The following DENND3 variants were observed in gnomAD, a reference collection of about 807,000 sequenced individuals.
The protein encoded by DENND3 is DENN domain containing 3.
DENND3 carries 88 observed loss-of-function variants against 135.1 expected under a neutral mutation model. The observed-to-expected ratio is 0.65, with a 90% CI of 0.55 to 0.78. DENND3 has a LOEUF of 0.78. DENND3 is among the 30% of genes least tolerant of loss of function. DENND3 has a pLI of 0.00. For missense variants in DENND3, 1,392 were observed against 1,688.4 expected (o/e 0.82, Z 3.08); for synonymous variants, 693 against 712.3 (o/e 0.97, Z 0.43).
intron 20 of DENND3, 87 bp downstream of exon 20, chr8:141,190,504 C>CT (rs1242730570): frequency 6.9e-7 from 1 of 1,449,240 alleles, no homozygotes; most frequent in African/African-American, 1.4e-5. Flanking sequence ...AGCCTCTTTC[C>CT]TTTGCTTCAC....
At chr8:141,180,662 C>G in intron 16 of DENND3, 85 bp from the exon 17 acceptor site, 1 of 1,243,042 alleles carries the variant, frequency 8.0e-7, no homozygotes, top group South Asian at 1.4e-5. Context: ...TGATATTCTG[C>G]AGAAATCAGA....
chr8:141,137,976 C>T lies in DENND3; in HGVS notation c.386-46C>T. On this transcript the variant is annotated intron_variant, in intron 2 of 22. Coordinates refer to ENST00000519811, the MANE Select transcript of DENND3 (RefSeq NM_001352890.3). The surrounding 1 kb of genome is among the most constrained non-coding windows in gnomAD (Gnocchi z 4.1). ...GAAATCAGCTCGTGGGTAACCCAGG[C>T]CACTTGGCAAGAACAGGATTCTTCT... The T allele has an allele frequency of 6.5e-7, 1 of 1,550,366 alleles. No homozygotes were observed. The highest frequency in any genetic ancestry group is 8.7e-7 in the Non-Finnish European group (1 of 1,144,422).
intron 19 of DENND3, among the ~76,000 whole-genome samples, chr8:141,189,538 T>A (rs1824407509): frequency 6.6e-6 from 1 of 152,228 alleles, no homozygotes; most frequent in Admixed American, 6.5e-5. Context: ...CGCTGCTGTT[T>A]CCCACAGTGG....
intron 5 of DENND3, among the ~76,000 whole-genome samples, chr8:141,149,968 C>T (rs1055672005): frequency 3.3e-5 from 5 of 152,218 alleles, no homozygotes; most frequent in Non-Finnish European, 7.3e-5. Flanking sequence ...TGTTTGTGAC[C>T]TGTTTTCTCC....
intron 17 of DENND3, among the ~76,000 whole-genome samples, chr8:141,183,913 C>T (rs1361924149): frequency 6.6e-6 from 1 of 152,176 alleles, no homozygotes; most frequent in Non-Finnish European, 1.5e-5. Context: ...GAGCAGCGTG[C>T]TTTCCGCCAG....
Position 141,141,105 on chromosome 8 carries a change from T to G in DENND3, c.502-98T>G. ...CGTTGCAGGGGTGGGGATGGTGGAC[T>G]CTCAGCTTGCTGTGTGCTGAAACGT... On this transcript the variant is annotated intron_variant, in intron 3 of 22. Coordinates refer to ENST00000519811, the MANE Select transcript of DENND3 (RefSeq NM_001352890.3). The surrounding 1 kb of genome is among the most constrained non-coding windows in gnomAD (Gnocchi z 5.3). The G allele has an allele frequency of 5.1e-6, 8 of 1,581,896 alleles. No individual in the cohort carries two copies. Among genetic ancestry groups the G allele is most frequent in the Non-Finnish European group, 6.0e-6 (7 of 1,160,152 alleles).
chr8:141,139,071 C>T lies in DENND3; in HGVS notation c.501+934C>T, dbSNP rs1048321994. ...AGGGGAAACGATGTATCCAAAGGTG[C>T]AGGGTGACCTGCTGCACACGTCCAG... On this transcript the variant is annotated intron_variant, in intron 3 of 22. Transcript: ENST00000519811. The surrounding 1 kb of genome is among the most constrained non-coding windows in gnomAD (Gnocchi z 4.2). Among the ~76,000 whole-genome samples the T allele has an allele frequency of 6.6e-6, 1 of 152,152 alleles. No individual in the cohort carries two copies. The highest frequency in any genetic ancestry group is 2.4e-5 in the African/African-American group (1 of 41,424).
Position 141,185,282 on chromosome 8 carries a change from A to C in DENND3, c.3084+4A>C. ...TAAAGTGGGCACTGCAAAAGTGGTGAGTACACGAAGCGTCAGGAAAGAAGC... is the reference window on the plus strand; with the variant it reads ...TAAAGTGGGCACTGCAAAAGTGGTGCGTACACGAAGCGTCAGGAAAGAAGC... On this transcript the variant is annotated splice_donor_region_variant and intron_variant, in intron 18 of 22. Coordinates refer to ENST00000519811, the MANE Select transcript of DENND3 (RefSeq NM_001352890.3). 6.2e-7 allele frequency: 1 copy of C among 1,614,030 alleles called. No homozygotes were observed. The highest frequency in any genetic ancestry group is 8.5e-7 in the Non-Finnish European group (1 of 1,179,926).
At chr8:141,176,824 T>G in intron 15 of DENND3, 63 bp downstream of exon 15, 5 of 1,575,982 alleles carry the variant, frequency 3.2e-6, no homozygotes, top group Non-Finnish European at 4.3e-6. Context: ...TCGCCACCTG[T>G]GGGTCCTGTG....
rs745935240 is a variant in DENND3, at chr8:141,176,610, C to G, written c.2555C>G (p.Thr852Ser). 1.2e-6 allele frequency: 2 copies of G among 1,614,142 alleles called. No homozygotes were observed. The highest frequency in any genetic ancestry group is 2.7e-5 in the African/African-American group (2 of 74,954). Residue 852 changes from threonine (T) to serine (S), a missense_variant, in exon 15 of 23, where the codon ACT becomes AGT. By Grantham distance (58) the Thr-to-Ser change is moderately conservative (BLOSUM62 1). Coordinates refer to ENST00000519811, the MANE Select transcript of DENND3 (RefSeq NM_001352890.3). Reference sequence around the variant, plus strand: ...CTGCAGGAGGTCAGGAGAACCACTACTACATTTCTACTTCGGAGAATACCC... The same window carrying G: ...CTGCAGGAGGTCAGGAGAACCACTAGTACATTTCTACTTCGGAGAATACCC... Reference protein sequence around the residue: ...RNIEEVRRTTTTFLLRRIPTL... With the variant: ...RNIEEVRRTTSTFLLRRIPTL...
Position 141,175,419 on chromosome 8 carries a change from G to A in DENND3, c.2495G>A (p.Arg832Lys), listed in dbSNP as rs766610274. ...QKRLFLLTEGRPGYLEISTFR... is the reference protein window; with the variant it reads ...QKRLFLLTEGKPGYLEISTFR... ...CGCCTGTTCCTCCTAACCGAAGGAA[G>A]GCCAGGCTACTTGGAGATTTCCACC... is the stretch of plus-strand genomic sequence containing the variant. Residue 832 changes from arginine to lysine, a missense_variant, in exon 14 of 23, where the codon AGG becomes AAG. Coordinates refer to ENST00000519811, the MANE Select transcript of DENND3 (RefSeq NM_001352890.3). This position sits in a 1 kb window ranked among gnomAD's most constrained non-coding sequence, Gnocchi z 5.4. 1 of 1,614,066 alleles carries A rather than the reference G, an allele frequency of 6.2e-7. No individual in the cohort carries two copies. The highest frequency in any genetic ancestry group is 8.5e-7 in the Non-Finnish European group (1 of 1,180,044).
intron 1 of DENND3, among the ~76,000 whole-genome samples, chr8:141,132,089 C>CT (rs1569554713): frequency 6.6e-6 from 1 of 152,120 alleles, no homozygotes; most frequent in African/African-American, 2.4e-5. Context: ...CAATACATGA[C>CT]TGAGTTGACA....
chr8:141,142,956 C>T (rs1390283109), intron 4 of DENND3: 1 of 153,484 alleles, frequency 6.5e-6, no homozygotes, highest in African/African-American at 2.4e-5. Flanking sequence ...GTGTGATTGG[C>T]AACAGATATC....
rs922241203 is a variant in DENND3, at chr8:141,194,437, C to T, written c.*204C>T. 34 of 608,150 alleles carry T rather than the reference C, an allele frequency of 5.6e-5. No homozygotes were observed. In the African/African-American group the frequency reaches 5.7e-4, roughly 10 times the overall value. 37.7% of individuals were successfully genotyped at this position (608,150 alleles called of 1,614,324 possible). ...CTTCGGGCCCCCTGGTTAAACTGCA[C>T]CAAGGGTGTTTCCTGTTGGGGTGTG... is the stretch of plus-strand genomic sequence containing the variant. On this transcript the variant is annotated 3_prime_UTR_variant, in exon 23 of 23. Coordinates refer to ENST00000519811, the MANE Select transcript of DENND3 (RefSeq NM_001352890.3).
chr8:141,145,995 C>T (rs1423705461), intron 5 of DENND3, among the ~76,000 whole-genome samples: 27 of 151,316 alleles, frequency 1.8e-4, no homozygotes, highest in Admixed American at 6.6e-5. Context: ...ATTACAGGCG[C>T]GTGCCACCAC....
At chr8:141,143,454 C>T (rs895628741) in intron 4 of DENND3, among the ~76,000 whole-genome samples, 4 of 152,146 alleles carry the variant, frequency 2.6e-5, no homozygotes, top group East Asian at 1.9e-4. Flanking sequence ...ACTGAGGCTG[C>T]GGTGCAGTGC....
At chr8:141,145,824 TATATATA>T (rs1817982115) in intron 5 of DENND3, among the ~76,000 whole-genome samples, 2 of 40,386 alleles carry the variant, frequency 5.0e-5, no homozygotes, top group African/African-American at 1.9e-4. Context: ...TATATATATA[TATATATA>T]TATATATATA....
intron 1 of DENND3, among the ~76,000 whole-genome samples, chr8:141,133,512 T>TGG (rs1479857645): frequency 1.3e-5 from 2 of 152,150 alleles, no homozygotes; most frequent in Non-Finnish European, 2.9e-5. Context: ...TGGGGAGCCC[T>TGG]GGGCTGGGTG....
rs1169472212 is a variant in DENND3, at chr8:141,137,915, C to T, written c.386-107C>T. 1.7e-6 allele frequency: 2 copies of T among 1,144,366 alleles called. No homozygotes were observed. Among genetic ancestry groups the T allele is most frequent in the East Asian group, 2.6e-5 (1 of 38,188 alleles). 70.9% of individuals were successfully genotyped at this position (1,144,366 alleles called of 1,614,324 possible). ...CGCCTTGGACATGAAGGCACCACCACTGCTAACTGTGGAGGTGTGTCCTAA... is the reference window on the plus strand; with the variant it reads ...CGCCTTGGACATGAAGGCACCACCATTGCTAACTGTGGAGGTGTGTCCTAA... On this transcript the variant is annotated intron_variant, in intron 2 of 22. Coordinates refer to ENST00000519811, the MANE Select transcript of DENND3 (RefSeq NM_001352890.3). This position sits in a 1 kb window ranked among gnomAD's most constrained non-coding sequence, Gnocchi z 4.1.
Sources: allele counts gnomAD v4.1 joint callset (sites outside exome capture counted in the v4.1 genomes callset), GRCh38; gene constraint gnomAD v4.1.1; non-coding constraint Gnocchi (gnomAD v3.1); transcripts MANE v1.5; gene names NCBI Gene and HGNC (gene_info 2026-07-23, HGNC 2026-07-21).